The following SOX6 variants were observed in gnomAD, a reference collection of about 807,000 sequenced individuals.
SOX6 encodes SRY-box transcription factor 6.
Under a neutral mutation model 97.8 loss-of-function variants are expected in SOX6, and 11 were observed. The ratio of observed to expected loss-of-function variants is 0.11; its 90% CI spans 0.07 to 0.19. The LOEUF (loss-of-function observed/expected upper bound fraction) is 0.19, where lower values mean the gene tolerates loss of function less well. Ranked by LOEUF, SOX6 falls within the 10% of genes least tolerant of loss-of-function variation. The pLI, the probability that SOX6 is intolerant of heterozygous loss-of-function variation, is 1.00. For synonymous variants in SOX6, 360 were observed against 371.4 expected (o/e 0.97, Z 0.35); for missense variants, 810 against 1,039.5 (o/e 0.78, Z 3.04).
chr11:16,370,738 G>A lies in SOX6; in HGVS notation c.-4-29486C>T, dbSNP rs144655998. Among the ~76,000 whole-genome samples, 7 of 152,002 alleles carry A rather than the reference G, an allele frequency of 4.6e-5. No homozygotes were observed. In the East Asian group the frequency reaches 1.4e-3, roughly 29 times the overall value. The stretch of plus-strand genomic sequence containing the variant: ...TTGCAACTCCATCCTTAGCTTCTCA[G>A]GCCAGAATCCTAGAGTCATCCTTGA... On this transcript the variant is annotated intron_variant, in intron 1 of 15. Transcript: ENST00000396356.
chr11:16,477,425 T>C (rs1860273788), upstream of SOX6, among the ~76,000 whole-genome samples: 1 of 152,216 alleles, frequency 6.6e-6, no homozygotes, highest in Non-Finnish European at 1.5e-5. Context: ...CAAATGACCT[T>C]AATAGATTAG....
intron 4 of SOX6, among the ~76,000 whole-genome samples, chr11:16,517,404 C>A (rs376220413): frequency 6.6e-6 from 1 of 151,846 alleles, no homozygotes; most frequent in Admixed American, 6.6e-5. Context: ...TGTTTGCAGA[C>A]GACATGATTG....
At chr11:16,009,807 G>T (rs1417762855) in intron 13 of SOX6, among the ~76,000 whole-genome samples, 1 of 152,036 alleles carries the variant, frequency 6.6e-6, no homozygotes, top group African/African-American at 2.4e-5. Flanking sequence ...AGTATATGCA[G>T]TTATAGCATT....
At chr11:16,551,057 A>C (rs1022656568) in intron 4 of SOX6, among the ~76,000 whole-genome samples, 6 of 152,118 alleles carry the variant, frequency 3.9e-5, no homozygotes, top group Admixed American at 1.3e-4. Flanking sequence ...AACTTTACAA[A>C]AATATTAGCC....
chr11:16,442,190 T>C (rs928719452), intron 1 of SOX6, among the ~76,000 whole-genome samples: 17 of 152,226 alleles, frequency 1.1e-4, no homozygotes, highest in Admixed American at 7.9e-4. Context: ...ATTTACTTGG[T>C]GGAAAACTTT....
intron 6 of SOX6, among the ~76,000 whole-genome samples, chr11:16,163,851 G>A (rs1589987338): frequency 6.6e-6 from 1 of 152,322 alleles, no homozygotes; most frequent in East Asian, 1.9e-4. Flanking sequence ...TCTATGAAAA[G>A]TTGGGGCATT....
intron 3 of SOX6, among the ~76,000 whole-genome samples, chr11:16,696,607 T>C (rs1848055627): frequency 6.6e-6 from 1 of 152,254 alleles, no homozygotes; most frequent in African/African-American, 2.4e-5. Context: ...CTATCAAGTA[T>C]AATAGCATTA....
chr11:16,632,184 T>A (rs1263495120), intron 3 of SOX6, among the ~76,000 whole-genome samples: 1 of 152,206 alleles, frequency 6.6e-6, no homozygotes, highest in South Asian at 2.1e-4. Flanking sequence ...CTTTGGTTCC[T>A]TCTCATCTGG....
chr11:16,283,821 T>G (rs936581354), intron 3 of SOX6: 2 of 357,352 alleles, frequency 5.6e-6, no homozygotes, highest in Non-Finnish European at 1.1e-5. Flanking sequence ...TAATTTCAGT[T>G]ACTTTTTAAA....
At chr11:16,510,311 A>T (rs935003402) in intron 4 of SOX6, among the ~76,000 whole-genome samples, 5 of 152,056 alleles carry the variant, frequency 3.3e-5, no homozygotes, top group African/African-American at 1.2e-4. Context: ...ATCATTCTGA[A>T]CTAGTTGGAG....
intron 3 of SOX6, among the ~76,000 whole-genome samples, chr11:16,625,787 C>A (rs1484803689): frequency 6.6e-6 from 1 of 152,090 alleles, no homozygotes; most frequent in Non-Finnish European, 1.5e-5. Flanking sequence ...AGGGTGGCAC[C>A]CTTAAGAGGG....
In SOX6 at chr11:16,097,602, C is replaced by T; in HGVS notation, c.978+7G>A. ...CATATCCCACATTTTTTTCTTCTGGCACTTACCTGGAGCTGTAAAGGGCTG... is the reference window on the plus strand; with the variant it reads ...CATATCCCACATTTTTTTCTTCTGGTACTTACCTGGAGCTGTAAAGGGCTG... On this transcript the variant is annotated splice_region_variant and intron_variant, in intron 8 of 15. Coordinates refer to ENST00000683767, the MANE Select transcript of SOX6 (RefSeq NM_001367873.1). 1 of 1,610,666 alleles carries T rather than the reference C, an allele frequency of 6.2e-7. No individual in the cohort carries two copies. Among genetic ancestry groups the T allele is most frequent in the Non-Finnish European group, 8.5e-7 (1 of 1,177,682 alleles).
At chr11:16,665,749 G>A (rs755663082) in intron 3 of SOX6, among the ~76,000 whole-genome samples, 10 of 152,220 alleles carry the variant, frequency 6.6e-5, no homozygotes, top group African/African-American at 2.2e-4. Flanking sequence ...CCAGGGCTGT[G>A]CTAGCTTTAG....
rs567652746 is a variant in SOX6, at chr11:16,484,221, C to T, written n.610-7833G>A. On this transcript the variant is annotated intron_variant and non_coding_transcript_variant, in intron 4 of 5. Transcript: ENST00000524520. ...ATGCCAATAGCTTTCACCAGCCCTT[C>T]ATCCACCAGCTCCTCCATGGCTGCC... The T allele has an allele frequency of 6.2e-5, 52 of 837,390 alleles. No individual in the cohort carries two copies. In the African/African-American group the frequency reaches 7.7e-4, roughly 12 times the overall value. The allele number at this position is 837,390 out of a possible 1,614,324, so 51.9% of individuals were successfully genotyped here.
chr11:16,482,710 T>A (rs1225328519), intron 4 of SOX6, among the ~76,000 whole-genome samples: 1 of 152,222 alleles, frequency 6.6e-6, no homozygotes, highest in East Asian at 1.9e-4. Context: ...TCAACTCAAT[T>A]ATAAGTGATT....
intron 3 of SOX6, among the ~76,000 whole-genome samples, chr11:16,657,457 A>T (rs746561236): frequency 2.3e-4 from 35 of 152,228 alleles, no homozygotes; most frequent in Non-Finnish European, 4.3e-4. Flanking sequence ...TTGGGTACAT[A>T]ACCAGGGATG....
chr11:16,126,798 C>T (rs560503705), intron 6 of SOX6, among the ~76,000 whole-genome samples: 2 of 152,234 alleles, frequency 1.3e-5, no homozygotes, highest in South Asian at 4.1e-4. Flanking sequence ...GTTACACTAG[C>T]CCTTTTTATA....
chr11:16,710,427 G>A (rs1042994250), intron 3 of SOX6, among the ~76,000 whole-genome samples: 2 of 152,174 alleles, frequency 1.3e-5, no homozygotes, highest in Non-Finnish European at 2.9e-5. Flanking sequence ...GGACGAGCCA[G>A]AACTCAAATC....
intron 3 of SOX6, among the ~76,000 whole-genome samples, chr11:16,283,415 C>T (rs944573711): frequency 6.6e-6 from 1 of 151,286 alleles, no homozygotes; most frequent in African/African-American, 2.4e-5. Flanking sequence ...TTATGTTGTA[C>T]AATAAAATTG....
Sources: gnomAD v4.1 joint callset for allele counts (sites outside exome capture counted in the v4.1 genomes callset) on GRCh38, gnomAD v4.1.1 for gene constraint, MANE v1.5 for transcripts, NCBI Gene and HGNC (gene_info 2026-07-23, HGNC 2026-07-21) for gene names.